Variants in RUFY1 observed in about 807,000 individuals in gnomAD.
RUFY1 encodes the protein RUN and FYVE domain-containing protein 1.
Under a neutral mutation model 94.6 loss-of-function variants are expected in RUFY1, and 54 were observed. The observed-to-expected ratio is 0.57, with a 90% CI of 0.46 to 0.72. RUFY1 has a LOEUF of 0.72. Among genes scored for constraint, RUFY1 ranks in the 30% least tolerant of loss-of-function variants. The pLI, the probability that RUFY1 is intolerant of heterozygous loss-of-function variation, is 0.00. For synonymous variants in RUFY1, 396 were observed against 347.3 expected, an observed-to-expected ratio of 1.14 and a Z score of -1.56; for missense variants, 883 against 883.9, an observed-to-expected ratio of 1.00 and a Z score of 0.01.
At chr5:179,593,298 G>A (rs1298428706) in intron 10 of RUFY1, among the ~76,000 whole-genome samples, 180 bp from the exon 11 acceptor site, 1 of 151,984 alleles carries the variant, frequency 6.6e-6, no homozygotes, top group Admixed American at 6.6e-5. Context: ...GGCTGCTCTC[G>A]AACTCCTGGC....
rs779141847 is a variant in RUFY1, at chr5:179,567,426, A to G, written c.603-35A>G. The G allele has an allele frequency of 5.3e-6, 8 of 1,500,514 alleles. No homozygotes were observed. The East Asian group carries it at 1.4e-4, about 25-fold the overall frequency. 92.9% of individuals were successfully genotyped at this position (1,500,514 alleles called of 1,614,324 possible). The stretch of plus-strand genomic sequence containing the variant: ...TGTCTTTTCTGTGTTTGTTGTTGTT[A>G]TGCCACAATAGTTGATTCTCTGTTT... On this transcript the variant is annotated intron_variant, in intron 3 of 17. Coordinates refer to ENST00000319449, the MANE Select transcript of RUFY1 (RefSeq NM_025158.5).
intron 7 of RUFY1, among the ~76,000 whole-genome samples, chr5:179,585,409 TCTA>T (rs1320439604): frequency 6.6e-6 from 1 of 152,086 alleles, no homozygotes; most frequent in Admixed American, 6.6e-5. Context: ...AAACCCTGTC[TCTA>T]CTAAAAATAC....
chr5:179,602,703 GA>G (rs1310880545), intron 15 of RUFY1: 1 of 152,310 alleles, frequency 6.6e-6, no homozygotes, highest in East Asian at 1.9e-4. Context: ...TTAAGCAAAA[GA>G]AGCCATCAGG....
In RUFY1 at chr5:179,594,893, A is replaced by G; in HGVS notation, c.1441A>G (p.Asn481Asp). 1 of 1,613,596 alleles carries G rather than the reference A, an allele frequency of 6.2e-7. No homozygotes were observed. Among genetic ancestry groups the G allele is most frequent in the Non-Finnish European group, 8.5e-7 (1 of 1,179,706 alleles). ...TGCAGAGAGCAGTTTGCAGCAGAAG[A>G]ATGAAGCCATCACATCCTTTGAAGG... ...QNAESSLQQK[N>D]EAITSFEGKT... Residue 481 changes from asparagine (N) to aspartate (D), a missense_variant, in exon 12 of 18, where the codon AAT (asparagine) becomes GAT (aspartate). Coordinates refer to ENST00000319449, the MANE Select transcript of RUFY1 (RefSeq NM_025158.5).
rs548738213 is a variant in RUFY1, at chr5:179,564,094, T to C, written c.602+1430T>C. On this transcript the variant is annotated intron_variant, in intron 3 of 17. Transcript: ENST00000319449. ...CTCACTCCCTCAAGAGTAAAGCACCTACACAGACGGCGTCCTGATGTTTTC... is the reference window on the plus strand; with the variant it reads ...CTCACTCCCTCAAGAGTAAAGCACCCACACAGACGGCGTCCTGATGTTTTC... 7.3e-5 allele frequency among the ~76,000 whole-genome samples: 11 copies of C among 150,488 alleles called. No individual in the cohort carries two copies. In the East Asian group the frequency reaches 1.0e-3, roughly 14 times the overall value.
At chr5:179,589,787 C>T (rs1411941576) in intron 9 of RUFY1, 140 bp downstream of exon 9, 7 of 692,972 alleles carry the variant, frequency 1.0e-5, no homozygotes, top group African/African-American at 1.8e-5. Context: ...CCTCTCACTG[C>T]GGTCCCTGCC....
chr5:179,606,002 A>G, intron 16 of RUFY1, 78 bp downstream of exon 16: 1 of 964,944 alleles, frequency 1.0e-6, no homozygotes, highest in South Asian at 1.3e-5. Context: ...TAAGTATCCC[A>G]ACAGTCAGGT....
In RUFY1 at chr5:179,552,164, CAAAA is replaced by C. The variant is rs563730431; in HGVS notation, c.310+1305_310+1308del. ...TGGGTGACAGAGCGAGACTCTGTCT[CAAAA>C]AAAAAAAAAAAAAAAAAAACTTGTT... On this transcript the variant is annotated intron_variant, in intron 1 of 17. Transcript: ENST00000319449. Among the ~76,000 whole-genome samples the C allele has an allele frequency of 1.4e-3, 106 of 73,454 alleles. 1 individual carries two copies. In the East Asian group the frequency reaches 0.032, roughly 22 times the overall value. 48.2% of individuals were successfully genotyped at this position (73,454 alleles called of 152,430 possible).
intron 14 of RUFY1, among the ~76,000 whole-genome samples, chr5:179,600,932 A>G (rs765901257): frequency 1.3e-5 from 2 of 152,112 alleles, no homozygotes; most frequent in Admixed American, 6.5e-5. Context: ...GCCTGACCTC[A>G]GGTGATCCGC....
At chr5:179,563,952 G>C (rs1419478180) in intron 3 of RUFY1, among the ~76,000 whole-genome samples, 1 of 151,870 alleles carries the variant, frequency 6.6e-6, no homozygotes, top group East Asian at 1.9e-4. Flanking sequence ...GATTACAGGC[G>C]TGAGCCACCA....
At chr5:179,584,611 A>C (rs1764447970) in intron 7 of RUFY1, among the ~76,000 whole-genome samples, 1 of 151,624 alleles carries the variant, frequency 6.6e-6, no homozygotes, top group African/African-American at 2.4e-5. Flanking sequence ...GTGAAACCTC[A>C]CCTCTACAAA....
At chr5:179,565,284 T>C (rs1158237453) in intron 3 of RUFY1, among the ~76,000 whole-genome samples, 1 of 148,406 alleles carries the variant, frequency 6.7e-6, no homozygotes, top group African/African-American at 2.5e-5. Context: ...GTTCAAGCCA[T>C]TCTCATGCCT....
chr5:179,555,584 A>G, intron 1 of RUFY1: 1 of 367,246 alleles, frequency 2.7e-6, no homozygotes, highest in South Asian at 2.0e-5. Context: ...TGGTCTTAAC[A>G]TTTTTTGCTC....
In RUFY1 at chr5:179,609,468, C is replaced by T. The variant is rs745394269; in HGVS notation, c.2076C>T (p.Cys692=). The T allele has an allele frequency of 1.7e-5, 27 of 1,610,598 alleles. 1 individual carries two copies. The highest frequency in any genetic ancestry group is 6.7e-5 in the East Asian group (3 of 44,846). Residue 692 remains cysteine (C), a synonymous_variant, in exon 18 of 18, where the codon TGC becomes TGT. Transcript: ENST00000319449. ...CCTACCCCAAGCCGGTGCGAGTGTG[C>T]GACAGCTGCCACACCCTGCTCCTGC... The part of the protein sequence containing the change: ...LPSYPKPVRV[C]DSCHTLLLQR...
intron 1 of RUFY1, among the ~76,000 whole-genome samples, chr5:179,557,457 T>G (rs955087319): frequency 4.6e-5 from 7 of 152,170 alleles, no homozygotes; most frequent in Non-Finnish European, 1.0e-4. Flanking sequence ...TATCAAGGGA[T>G]AATTTCACTT....
chr5:179,585,415 A>G (rs1046945125), intron 7 of RUFY1, among the ~76,000 whole-genome samples: 1 of 152,058 alleles, frequency 6.6e-6, no homozygotes, highest in Non-Finnish European at 1.5e-5. Context: ...TGTCTCTACT[A>G]AAAATACAAA....
rs529641997 is a variant in RUFY1 at position 179,592,408 on chromosome 5, G to A, written c.1245+667G>A. The stretch of plus-strand genomic sequence containing the variant: ...GCTGGGATTACAGGCCTGAGCCACC[G>A]TGCCCGGCCAGTTTTTTGTATTTTT... On this transcript the variant is annotated intron_variant, in intron 10 of 17. Transcript: ENST00000319449. Among the ~76,000 whole-genome samples the A allele has an allele frequency of 2.0e-4, 30 of 152,200 alleles. No individual in the cohort carries two copies. In the East Asian group the frequency reaches 3.7e-3, roughly 19 times the overall value.
intron 15 of RUFY1, among the ~76,000 whole-genome samples, chr5:179,603,998 G>A (rs1263283315): frequency 6.6e-5 from 10 of 152,074 alleles, no homozygotes; most frequent in African/African-American, 9.7e-5. Context: ...CGGAGGTTGC[G>A]GTGAGCCGAG....
At chr5:179,552,207 G>C (rs1484092057) in intron 1 of RUFY1, among the ~76,000 whole-genome samples, 1 of 147,236 alleles carries the variant, frequency 6.8e-6, no homozygotes, top group Admixed American at 6.9e-5. Context: ...CGATTACAGC[G>C]GCCACATTTT....
Sources: gnomAD v4.1 joint callset for allele counts (sites outside exome capture counted in the v4.1 genomes callset) on GRCh38, gnomAD v4.1.1 for gene constraint, MANE v1.5 for transcripts, NCBI Gene and HGNC (gene_info 2026-07-23, HGNC 2026-07-21) for gene names.